SLIT3: variants seen among roughly 807,000 people sequenced by gnomAD.
SLIT3 encodes the protein slit guidance ligand 3, also known as slit homolog 3 protein.
Under a neutral mutation model 184.0 loss-of-function variants are expected in SLIT3, and 68 were observed. The ratio of observed to expected loss-of-function variants is 0.37; its 90% confidence interval spans 0.30 to 0.45. The LOEUF (loss-of-function observed/expected upper bound fraction) is 0.45, where lower values mean the gene tolerates loss of function less well. Among genes scored for constraint, SLIT3 ranks in the 20% least tolerant of loss-of-function variants. The pLI is 1.00. For missense variants in SLIT3, 1,707 were observed against 2,026.0 expected, an observed-to-expected ratio of 0.84 and a Z score of 3.02; for synonymous variants, 831 against 828.6, an observed-to-expected ratio of 1.00 and a Z score of -0.05.
intron 4 of SLIT3, among the ~76,000 whole-genome samples, chr5:169,045,375 A>G (rs950704110): frequency 6.6e-6 from 1 of 151,970 alleles, no homozygotes; most frequent in Non-Finnish European, 1.5e-5. Flanking sequence ...ACAGCAAAAA[A>G]GAACTTCTAC....
rs1417822340 is a variant in SLIT3, at chr5:168,785,990, AAGG to A, written c.1080-15_1080-13del. 5.0e-6 allele frequency: 8 copies of A among 1,596,238 alleles called. No individual in the cohort carries two copies. In the African/African-American group the frequency reaches 5.4e-5, roughly 11 times the overall value. ...TCCCATACAGGACCCTGAAAGAGAG[AAGG>A]AGAAGACAGCAATCACTGTGGATGT... On this transcript the variant is annotated splice_polypyrimidine_tract_variant and intron_variant, in intron 11 of 35. Coordinates refer to ENST00000519560, the MANE Select transcript of SLIT3 (RefSeq NM_003062.4).
chr5:168,818,876 G>A (rs920713660), intron 7 of SLIT3, among the ~76,000 whole-genome samples: 8 of 152,370 alleles, frequency 5.3e-5, no homozygotes, highest in Non-Finnish European at 7.3e-5. Context: ...CTTGGCCGCC[G>A]CAGGGGGCTC....
intron 5 of SLIT3, among the ~76,000 whole-genome samples, chr5:168,853,336 T>C (rs936880195): frequency 1.3e-5 from 2 of 152,070 alleles, no homozygotes; most frequent in African/African-American, 4.8e-5. Flanking sequence ...AGGAGAGAAA[T>C]TGCAAAATTT....
chr5:168,693,627 G>T (rs925252015), intron 28 of SLIT3, among the ~76,000 whole-genome samples: 1 of 152,200 alleles, frequency 6.6e-6, no homozygotes. Flanking sequence ...GAGAGGGAAA[G>T]GTCTAACCAT....
intron 4 of SLIT3, among the ~76,000 whole-genome samples, chr5:169,059,152 G>C (rs755548258): frequency 2.0e-5 from 3 of 152,134 alleles, no homozygotes; most frequent in Admixed American, 6.6e-5. Flanking sequence ...TCTTGGTAGA[G>C]TCACTGTCAG....
At chr5:169,088,249 C>T (rs1759396470) in intron 4 of SLIT3, among the ~76,000 whole-genome samples, 2 of 152,176 alleles carry the variant, frequency 1.3e-5, no homozygotes, top group African/African-American at 4.8e-5. Context: ...AGCCTGTCCT[C>T]CCTCCTAAGT....
chr5:169,177,284 G>A (rs1466012749), intron 4 of SLIT3, among the ~76,000 whole-genome samples: 2 of 152,156 alleles, frequency 1.3e-5, no homozygotes, highest in African/African-American at 2.4e-5. Context: ...AAGAGGCCTG[G>A]GCTGATCTGG....
intron 4 of SLIT3, among the ~76,000 whole-genome samples, chr5:169,189,798 G>A (rs1193920591): frequency 6.6e-6 from 1 of 151,880 alleles, no homozygotes; most frequent in Non-Finnish European, 1.5e-5. Context: ...CTATAGAACA[G>A]TACTAACCAT....
At chr5:169,166,318 A>G (rs561592704) in intron 4 of SLIT3, among the ~76,000 whole-genome samples, 6 of 152,192 alleles carry the variant, frequency 3.9e-5, no homozygotes, top group African/African-American at 1.4e-4. Context: ...TATTCTCTCA[A>G]CGTGTTCATG....
At chr5:168,706,181 G>A (rs1762367065) in intron 26 of SLIT3, among the ~76,000 whole-genome samples, 1 of 152,226 alleles carries the variant, frequency 6.6e-6, no homozygotes, top group Non-Finnish European at 1.5e-5. Flanking sequence ...AAGGGTAAAG[G>A]TGAAAGGCAG....
chr5:168,677,862 C>T (rs1761460954), intron 32 of SLIT3, among the ~76,000 whole-genome samples: 1 of 152,180 alleles, frequency 6.6e-6, no homozygotes, highest in Non-Finnish European at 1.5e-5. Context: ...CTGGGTGTGG[C>T]AGCAACTGGG....
chr5:168,678,915 C>T (rs1377990035), intron 32 of SLIT3, among the ~76,000 whole-genome samples: 1 of 152,142 alleles, frequency 6.6e-6, no homozygotes, highest in Non-Finnish European at 1.5e-5. Flanking sequence ...GAGGGTCTTC[C>T]TCATTATCTA....
chr5:168,840,350 C>T (rs116372125), intron 6 of SLIT3, among the ~76,000 whole-genome samples: 1,660 of 152,222 alleles, frequency 0.011, 24 homozygotes, highest in African/African-American at 0.037. Flanking sequence ...TCCCATAATA[C>T]TACCGAAAAA....
intron 4 of SLIT3, among the ~76,000 whole-genome samples, chr5:169,125,598 C>T (rs1761050394): frequency 1.3e-5 from 2 of 152,178 alleles, no homozygotes; most frequent in East Asian, 1.9e-4. Flanking sequence ...CTGGCTTCCA[C>T]ACTCACGGAG....
chr5:169,192,499 G>A (rs979596667), intron 4 of SLIT3, among the ~76,000 whole-genome samples: 16 of 151,490 alleles, frequency 1.1e-4, no homozygotes, highest in African/African-American at 3.9e-4. Context: ...GAACTCATTC[G>A]TAAGTGCACA....
At chr5:169,149,596 G>C (rs1346765776) in intron 4 of SLIT3, among the ~76,000 whole-genome samples, 1 of 152,222 alleles carries the variant, frequency 6.6e-6, no homozygotes. Context: ...CTACTTTTGT[G>C]AACAGTGGTG....
At chr5:168,772,545 C>T in intron 14 of SLIT3, 1 of 530,086 alleles carries the variant, frequency 1.9e-6, no homozygotes, top group Non-Finnish European at 3.3e-6. Flanking sequence ...TCCCCTGCAA[C>T]CGTCTCCTCC....
At chr5:169,187,691 T>C (rs1188801463) in intron 4 of SLIT3, among the ~76,000 whole-genome samples, 1 of 151,700 alleles carries the variant, frequency 6.6e-6, no homozygotes, top group East Asian at 2.0e-4. Context: ...ATAGCTGGGA[T>C]GACAGGCATG....
At chr5:168,755,014 A>G (rs1272843277) in intron 16 of SLIT3, among the ~76,000 whole-genome samples, 1 of 152,256 alleles carries the variant, frequency 6.6e-6, no homozygotes, top group East Asian at 1.9e-4. Flanking sequence ...CCTGATACAA[A>G]TAAATTGGTG....
Sources: allele counts gnomAD v4.1 joint callset (sites outside exome capture counted in the v4.1 genomes callset), GRCh38; gene constraint gnomAD v4.1.1; transcripts MANE v1.5; gene names NCBI Gene and HGNC (gene_info 2026-07-23, HGNC 2026-07-21).